SHISA9: variants seen among roughly 807,000 people sequenced by gnomAD.
The protein encoded by SHISA9 is shisa family member 9.
A neutral mutation model predicts 38.0 loss-of-function variants in SHISA9; 13 were observed. The ratio of observed to expected loss-of-function variants is 0.34; its 90% CI spans 0.22 to 0.54. The LOEUF is 0.54. Ranked by LOEUF, SHISA9 falls within the 20% of genes least tolerant of loss-of-function variation. The pLI, the probability that SHISA9 is intolerant of heterozygous loss-of-function variation, is 0.91. For synonymous variants in SHISA9, 275 were observed against 242.0 expected, an observed-to-expected ratio of 1.14 and a Z score of -1.27; for missense variants, 538 against 575.8, an observed-to-expected ratio of 0.93 and a Z score of 0.67.
intron 2 of SHISA9, among the ~76,000 whole-genome samples, chr16:13,192,172 G>GT: frequency 1.3e-5 from 2 of 152,192 alleles, no homozygotes; most frequent in Middle Eastern, 6.8e-3. Flanking sequence ...GAGCTAAACA[G>GT]TAAGTATGCA....
chr16:13,284,662 A>G, the SHISA9 span, among the ~76,000 whole-genome samples: 1 of 152,178 alleles, frequency 6.6e-6, no homozygotes, highest in African/African-American at 2.4e-5. Flanking sequence ...CAGCAGTGCA[A>G]TCTCAGCTCA....
In SHISA9 at chr16:12,980,167, G is replaced by A. The variant is rs191905540; in HGVS notation, c.691+63352G>A. ...GTCTTAGCTACTCTTTAAAGACAGC[G>A]TCAAACTTTACCAAGGCATTTGATT... On this transcript the variant is annotated intron_variant, in intron 2 of 4. Coordinates refer to ENST00000558583, the MANE Select transcript of SHISA9 (RefSeq NM_001145204.3). Among the ~76,000 whole-genome samples the A allele has an allele frequency of 2.7e-3, 415 of 152,202 alleles. 1 individual carries two copies. The highest frequency in any genetic ancestry group is 4.5e-3 in the Admixed American group (68 of 15,264).
the SHISA9 span, among the ~76,000 whole-genome samples, chr16:13,480,738 A>G: frequency 6.6e-6 from 1 of 150,614 alleles, no homozygotes; most frequent in Non-Finnish European, 1.5e-5. Flanking sequence ...GGGGCTGAGA[A>G]TGGCGCAAGA....
chr16:13,184,932 T>C (rs1443624594), intron 2 of SHISA9, among the ~76,000 whole-genome samples: 2 of 152,220 alleles, frequency 1.3e-5, no homozygotes, highest in East Asian at 3.8e-4. Flanking sequence ...ATAAAATTTT[T>C]TATTTCTCTT....
chr16:13,434,643 C>T, the SHISA9 span, among the ~76,000 whole-genome samples: 2 of 152,188 alleles, frequency 1.3e-5, no homozygotes, highest in East Asian at 3.9e-4. Flanking sequence ...TGGTCTTAAT[C>T]TTCTGACCTC....
chr16:13,396,979 A>T, the SHISA9 span, among the ~76,000 whole-genome samples: 22 of 151,748 alleles, frequency 1.4e-4, no homozygotes, highest in African/African-American at 5.3e-4. Context: ...AGTGAGACCA[A>T]CTCCTCCTCC....
chr16:13,315,892 C>A, the SHISA9 span, among the ~76,000 whole-genome samples: 1 of 152,112 alleles, frequency 6.6e-6, no homozygotes, highest in East Asian at 1.9e-4. Context: ...TGTTTACCCT[C>A]TCCCTGGTCA....
chr16:13,050,682 G>C (rs2073240832), intron 2 of SHISA9, among the ~76,000 whole-genome samples: 2 of 152,204 alleles, frequency 1.3e-5, no homozygotes, highest in Admixed American at 6.5e-5. Flanking sequence ...ATAAAAAAAT[G>C]CAGTAACCAT....
chr16:12,951,109 T>C (rs1406554734), intron 2 of SHISA9, among the ~76,000 whole-genome samples: 1 of 146,976 alleles, frequency 6.8e-6, no homozygotes, highest in Admixed American at 6.9e-5. Context: ...TAATCCCAGC[T>C]ACTTGGGAGA....
chr16:13,018,828 T>G (rs1479770892), intron 2 of SHISA9, among the ~76,000 whole-genome samples: 1 of 152,110 alleles, frequency 6.6e-6, no homozygotes, highest in Admixed American at 6.5e-5. Context: ...CAGGGGGTAA[T>G]CTGTGTGTGC....
At chr16:13,109,857 G>C (rs972031709) in intron 2 of SHISA9, among the ~76,000 whole-genome samples, 2 of 152,098 alleles carry the variant, frequency 1.3e-5, no homozygotes, top group Non-Finnish European at 2.9e-5. Flanking sequence ...ATTTTTTATT[G>C]CTGCATAATA....
At chr16:13,433,468 C>T in the SHISA9 span, among the ~76,000 whole-genome samples, 1 of 152,186 alleles carries the variant, frequency 6.6e-6, no homozygotes. Flanking sequence ...AGATACATCA[C>T]ATATATTGTC....
rs566852826 is a variant in SHISA9 at position 13,028,131 on chromosome 16, A to G, written c.691+111316A>G. ...GAAAACCTTCTATCTCTTGATTGTC[A>G]TGGTGGTCTTGACTGTATGTATGTG... On this transcript the variant is annotated intron_variant, in intron 2 of 4. Coordinates refer to ENST00000558583, the MANE Select transcript of SHISA9 (RefSeq NM_001145204.3). 2.6e-5 allele frequency among the ~76,000 whole-genome samples: 4 copies of G among 152,080 alleles called. No individual in the cohort carries two copies. In the East Asian group the frequency reaches 5.8e-4, roughly 22 times the overall value.
intron 2 of SHISA9, among the ~76,000 whole-genome samples, chr16:13,143,275 G>A (rs1158624746): frequency 6.6e-6 from 1 of 152,100 alleles, no homozygotes; most frequent in Non-Finnish European, 1.5e-5. Flanking sequence ...CTCTCAAAGT[G>A]CTGGGATTAC....
chr16:13,186,812 A>G (rs1260477298), intron 2 of SHISA9, among the ~76,000 whole-genome samples: 2 of 152,184 alleles, frequency 1.3e-5, no homozygotes, highest in African/African-American at 4.8e-5. Flanking sequence ...AAATTAAATC[A>G]TACAGTATTT....
At chr16:12,997,011 C>A (rs890753328) in intron 2 of SHISA9, among the ~76,000 whole-genome samples, 6 of 152,106 alleles carry the variant, frequency 3.9e-5, no homozygotes, top group Admixed American at 1.3e-4. Context: ...CAGTGAGATG[C>A]ACATATCTTA....
the SHISA9 span, among the ~76,000 whole-genome samples, chr16:13,278,554 T>A: frequency 6.6e-6 from 1 of 152,100 alleles, no homozygotes; most frequent in African/African-American, 2.4e-5. Context: ...CCCGGAGTTT[T>A]TTTGTTGGTA....
At chr16:12,956,561 A>C (rs1275441415) in intron 2 of SHISA9, among the ~76,000 whole-genome samples, 1 of 152,238 alleles carries the variant, frequency 6.6e-6, no homozygotes, top group East Asian at 1.9e-4. Flanking sequence ...GAATGAAATC[A>C]TGTCCTTTGC....
intron 3 of SHISA9, among the ~76,000 whole-genome samples, chr16:13,204,598 G>A (rs770806066): frequency 6.6e-6 from 1 of 152,306 alleles, no homozygotes; most frequent in Admixed American, 6.5e-5. Context: ...AACAATGCAC[G>A]TTCCTATCCC....
Sources: allele counts gnomAD v4.1 joint callset (sites outside exome capture counted in the v4.1 genomes callset), GRCh38; gene constraint gnomAD v4.1.1; transcripts MANE v1.5; gene names NCBI Gene and HGNC (gene_info 2026-07-23, HGNC 2026-07-21).